Variants in TXK observed in about 807,000 individuals in gnomAD.
The protein encoded by TXK is tyrosine-protein kinase TXK.
A neutral mutation model predicts 81.0 loss-of-function variants in TXK; 60 were observed. That is an observed-to-expected ratio of 0.74 (90% confidence interval 0.60 to 0.92). The LOEUF (loss-of-function observed/expected upper bound fraction) is 0.92. Among genes scored for constraint, TXK ranks in the 40% least tolerant of loss-of-function variants. TXK has a pLI of 0.00. For missense variants in TXK, 581 were observed against 638.3 expected, an observed-to-expected ratio of 0.91 and a Z score of 0.97; for synonymous variants, 203 against 210.7, an observed-to-expected ratio of 0.96 and a Z score of 0.32.
At chr4:48,072,757 C>A (rs370987244) in intron 13 of TXK, among the ~76,000 whole-genome samples, 1 of 152,074 alleles carries the variant, frequency 6.6e-6, no homozygotes, top group African/African-American at 2.4e-5. Context: ...TGTTTGGCAA[C>A]CTTCGATGAG....
chr4:48,084,687 G>A (rs1018199), intron 10 of TXK, among the ~76,000 whole-genome samples: 11,319 of 152,252 alleles, frequency 0.074, 503 homozygotes, highest in South Asian at 0.14. Context: ...TGGGAAGCTG[G>A]TGTCACTGGG....
chr4:48,100,070 G>A (rs1464519824), intron 6 of TXK, among the ~76,000 whole-genome samples: 1 of 150,134 alleles, frequency 6.7e-6, no homozygotes, highest in Non-Finnish European at 1.5e-5. Flanking sequence ...TACTCGGGAG[G>A]CTGAGGCAGG....
At position 48,076,428 on chromosome 4, in the gene TXK, TACTATGCATGTTG is replaced by T; in HGVS notation, c.1199_1211del (p.Ser400Ter). 6.2e-7 allele frequency: 1 copy of T among 1,613,000 alleles called. No homozygotes were observed. ...TTGTCATTCCAAAGTCTGAAATTTT[TACTATGCATGTTG>T]AACTGACCAAACAATTCCTTGCCGC... is the stretch of plus-strand genomic sequence containing the variant. On this transcript the variant is annotated frameshift_variant, in exon 12 of 15. Transcript: ENST00000264316. LOFTEE classifies it high-confidence loss of function.
rs1464801649 is a variant in TXK, at chr4:48,095,230, A to G, written c.502-8T>C. 6.2e-7 allele frequency: 1 copy of G among 1,607,202 alleles called. No individual in the cohort carries two copies. The highest frequency in any genetic ancestry group is 1.7e-5 in the Admixed American group (1 of 59,316). On this transcript the variant is annotated splice_polypyrimidine_tract_variant and splice_region_variant and intron_variant, in intron 6 of 14. Coordinates refer to ENST00000264316, the MANE Select transcript of TXK (RefSeq NM_003328.3). ...AAATGCACCTTCTTTAGACTGCAAAAAAAATCATTTATTGAATAAGTCTAT... is the reference window on the plus strand; with the variant it reads ...AAATGCACCTTCTTTAGACTGCAAAGAAAATCATTTATTGAATAAGTCTAT...
intron 1 of TXK, among the ~76,000 whole-genome samples, chr4:48,118,876 A>AC (rs1247257206): frequency 7.2e-5 from 11 of 152,330 alleles, no homozygotes; most frequent in African/African-American, 2.4e-4. Flanking sequence ...ATACAAGAGA[A>AC]AACTTGACAT....
At chr4:48,102,235 T>C (rs35201668) in intron 6 of TXK, among the ~76,000 whole-genome samples, 46,138 of 152,046 alleles carry the variant, frequency 0.3, 8,570 homozygotes, top group Non-Finnish European at 0.41. Context: ...CGCCTCGGCC[T>C]CCCGAAGTGC....
intron 6 of TXK, among the ~76,000 whole-genome samples, chr4:48,101,901 A>G (rs2109449104): frequency 6.6e-6 from 1 of 152,240 alleles, no homozygotes; most frequent in African/African-American, 2.4e-5. Context: ...CCTAAAAGCC[A>G]GAAACCAGAA....
At chr4:48,074,653 G>C (rs550164538) in intron 12 of TXK, among the ~76,000 whole-genome samples, 8 of 152,080 alleles carry the variant, frequency 5.3e-5, no homozygotes, top group Non-Finnish European at 1.2e-4. Flanking sequence ...TCTCTTTTTT[G>C]AGAATTGTAC....
At chr4:48,070,893 C>CTTTTTTTTTTTTTTTTTTTT (rs11309334) in intron 14 of TXK, among the ~76,000 whole-genome samples, 1 of 84,336 alleles carries the variant, frequency 1.2e-5, no homozygotes, top group African/African-American at 5.2e-5. Flanking sequence ...TCATTTAATT[C>CTTTTTTTTTTTTTTTTTTTT]TTTTTTTTTT....
chr4:48,093,135 T>C lies in TXK; in HGVS notation c.709+942A>G, dbSNP rs533340269. ...TCTCTAGCTACAACTAAGACCTTTA[T>C]TGCCCCACCCAGATATTTTACCCTC... On this transcript the variant is annotated intron_variant, in intron 8 of 14. Coordinates refer to ENST00000264316, the MANE Select transcript of TXK (RefSeq NM_003328.3). Among the ~76,000 whole-genome samples, 9 of 152,350 alleles carry C rather than the reference T, an allele frequency of 5.9e-5. No individual in the cohort carries two copies. In the South Asian group the frequency reaches 1.9e-3, roughly 32 times the overall value.
intron 10 of TXK, 63 bp from the exon 11 acceptor site, chr4:48,080,191 T>C (rs2352590): frequency 0.99 from 1,213,013 of 1,225,730 alleles, 600,969 homozygotes; most frequent in East Asian, 1. Context: ...TGTTTGAACA[T>C]AACTGGTAGT....
chr4:48,067,350 C>T lies in TXK; in HGVS notation c.*287G>A, dbSNP rs1009758904. 5 of 326,618 alleles carry T rather than the reference C, an allele frequency of 1.5e-5. No individual in the cohort carries two copies. The highest frequency in any genetic ancestry group is 8.5e-5 in the African/African-American group (4 of 47,106). The allele number at this position is 326,618 out of a possible 1,614,324, so 20.2% of individuals were successfully genotyped here. ...TTCCTGGGGCTATGATCATGAAGAG[C>T]ACCACAATGAAGACTGCTGCGAAGT... is the stretch of plus-strand genomic sequence containing the variant. On this transcript the variant is annotated 3_prime_UTR_variant, in exon 15 of 15. Transcript: ENST00000264316.
At chr4:48,071,042 G>A (rs1315237793) in intron 14 of TXK, among the ~76,000 whole-genome samples, 1 of 151,552 alleles carries the variant, frequency 6.6e-6, no homozygotes, top group Non-Finnish European at 1.5e-5. Flanking sequence ...TGGGATTACA[G>A]GCATGCACCA....
chr4:48,113,333 T>A, intron 2 of TXK, 24 bp from the exon 3 acceptor site: 4 of 1,556,470 alleles, frequency 2.6e-6, no homozygotes, highest in Middle Eastern at 3.4e-4. Flanking sequence ...GCAATCATGT[T>A]ACAAATAATT....
At chr4:48,111,524 G>C (rs1718631735) in intron 4 of TXK, among the ~76,000 whole-genome samples, 1 of 152,168 alleles carries the variant, frequency 6.6e-6, no homozygotes, top group African/African-American at 2.4e-5. Flanking sequence ...CATGCCAATA[G>C]TATACCCGCA....
Position 48,114,091 on chromosome 4 carries a change from A to C in TXK, c.71+257T>G, listed in dbSNP as rs186086032. ...CTATAAACAACATACATGAAATAAA[A>C]ATTAAGTGGAGAACAATGCCGCACA... On this transcript the variant is annotated intron_variant, in intron 2 of 14. Transcript: ENST00000264316. Among the ~76,000 whole-genome samples, 30 of 152,320 alleles carry C rather than the reference A, an allele frequency of 2.0e-4. No homozygotes were observed. The East Asian group carries it at 5.4e-3, about 27-fold the overall frequency.
At chr4:48,069,966 T>G (rs555824197) in intron 14 of TXK, among the ~76,000 whole-genome samples, 1 of 152,376 alleles carries the variant, frequency 6.6e-6, no homozygotes, top group Non-Finnish European at 1.5e-5. Flanking sequence ...TTTCTATGTC[T>G]TTCAAGATTC....
At chr4:48,084,941 G>T (rs986560141) in intron 10 of TXK, among the ~76,000 whole-genome samples, 3 of 99,570 alleles carry the variant, frequency 3.0e-5, no homozygotes, top group African/African-American at 1.0e-4. Context: ...ATTGTTGTTT[G>T]CTTGTTTGTT....
In TXK at chr4:48,067,610, C is replaced by T. The variant is rs759842146; in HGVS notation, c.*27G>A. ...AATAAATGACAGTTTTGCAAGATGA[C>T]TCTTTGGGTTGGCATTCTGTTTCCG... On this transcript the variant is annotated 3_prime_UTR_variant, in exon 15 of 15. Coordinates refer to ENST00000264316, the MANE Select transcript of TXK (RefSeq NM_003328.3). The T allele has an allele frequency of 1.2e-6, 2 of 1,611,284 alleles. No homozygotes were observed. The highest frequency in any genetic ancestry group is 3.3e-5 in the Admixed American group (2 of 60,004).
Sources: allele counts gnomAD v4.1 joint callset (sites outside exome capture counted in the v4.1 genomes callset), GRCh38; gene constraint gnomAD v4.1.1; transcripts MANE v1.5; gene names NCBI Gene and HGNC (gene_info 2026-07-23, HGNC 2026-07-21).